Variants in VPS35L observed in about 807,000 individuals in gnomAD.
VPS35L encodes the protein VPS35 endosomal protein sorting factor like.
In VPS35L, 83 loss-of-function variants were observed where a neutral mutation model predicts 133.0. The ratio of observed to expected loss-of-function variants is 0.62; its 90% CI spans 0.52 to 0.75. VPS35L has a LOEUF of 0.75. VPS35L is among the 30% of genes least tolerant of loss of function. VPS35L has a pLI of 0.00. For synonymous variants in VPS35L, 423 were observed against 449.9 expected (o/e 0.94, Z 0.76); for missense variants, 1,083 against 1,206.8 (o/e 0.90, Z 1.52).
chr16:19,661,299 A>T (rs1478053552), intron 26 of VPS35L, among the ~76,000 whole-genome samples: 1 of 152,144 alleles, frequency 6.6e-6, no homozygotes, highest in Non-Finnish European at 1.5e-5. Context: ...CTCCTGTTGA[A>T]AAATATATGA....
chr16:19,571,446 G>A (rs1971381933), intron 3 of VPS35L, among the ~76,000 whole-genome samples: 1 of 152,032 alleles, frequency 6.6e-6, no homozygotes, highest in Non-Finnish European at 1.5e-5. Flanking sequence ...CAAACTCCTG[G>A]GCACAAGCAA....
chr16:19,603,443 A>G (rs1972448934), intron 9 of VPS35L, among the ~76,000 whole-genome samples: 1 of 152,226 alleles, frequency 6.6e-6, no homozygotes, highest in Non-Finnish European at 1.5e-5. Context: ...AATAGTGTTT[A>G]TGTTGATTAC....
intron 26 of VPS35L, chr16:19,652,805 T>A (rs1408050852): frequency 6.6e-6 from 1 of 152,250 alleles, no homozygotes; most frequent in Non-Finnish European, 1.5e-5. Flanking sequence ...TACCATCTAA[T>A]CTGTGATAGA....
intron 18 of VPS35L, among the ~76,000 whole-genome samples, chr16:19,630,844 A>G (rs1204324874): frequency 1.3e-5 from 2 of 151,918 alleles, no homozygotes; most frequent in Non-Finnish European, 2.9e-5. Flanking sequence ...GTCTCTACTA[A>G]AAATAAAAAA....
intron 28 of VPS35L, among the ~76,000 whole-genome samples, chr16:19,683,790 G>A (rs181468843): frequency 2.0e-5 from 3 of 152,328 alleles, no homozygotes; most frequent in East Asian, 3.9e-4. Flanking sequence ...TCAGTAGAAC[G>A]ATTTATTTTC....
At chr16:19,604,818 C>T (rs1373790554) in intron 9 of VPS35L, among the ~76,000 whole-genome samples, 1 of 152,124 alleles carries the variant, frequency 6.6e-6, no homozygotes, top group Non-Finnish European at 1.5e-5. Context: ...TATAGCTCTT[C>T]GGAGTTGAGA....
chr16:19,575,399 C>T (rs1971497842), intron 5 of VPS35L, among the ~76,000 whole-genome samples: 1 of 151,884 alleles, frequency 6.6e-6, no homozygotes, highest in Non-Finnish European at 1.5e-5. Context: ...AATCTCGTCT[C>T]TATTAAAAAT....
intron 7 of VPS35L, among the ~76,000 whole-genome samples, chr16:19,584,715 A>T (rs986567736): frequency 6.7e-6 from 1 of 150,098 alleles, no homozygotes; most frequent in Admixed American, 6.7e-5. Context: ...TTAAGAGATG[A>T]GGTTGCCCAG....
chr16:19,668,138 C>G (rs1301748394), intron 26 of VPS35L, among the ~76,000 whole-genome samples: 4 of 152,158 alleles, frequency 2.6e-5, no homozygotes, highest in Non-Finnish European at 4.4e-5. Context: ...GCATTTGCCC[C>G]TCTGGTGTGC....
intron 26 of VPS35L, among the ~76,000 whole-genome samples, chr16:19,654,238 C>T (rs1489082802): frequency 6.6e-6 from 1 of 152,142 alleles, no homozygotes; most frequent in Non-Finnish European, 1.5e-5. Flanking sequence ...CCTACTCTGT[C>T]ACCCCTGCAG....
intron 1 of VPS35L, among the ~76,000 whole-genome samples, chr16:19,557,779 G>A (rs1048626125): frequency 1.3e-5 from 2 of 152,102 alleles, no homozygotes; most frequent in African/African-American, 2.4e-5. Flanking sequence ...GGCTGGGCGC[G>A]GTCACTCATG....
intron 28 of VPS35L, among the ~76,000 whole-genome samples, chr16:19,687,476 C>T (rs911807602): frequency 6.6e-6 from 1 of 152,204 alleles, no homozygotes; most frequent in South Asian, 2.1e-4. Context: ...CAGCCAGAGC[C>T]GGCTTGGAAA....
At chr16:19,581,142 C>A (rs1971696407) in intron 6 of VPS35L, among the ~76,000 whole-genome samples, 1 of 152,094 alleles carries the variant, frequency 6.6e-6, no homozygotes, top group Admixed American at 6.6e-5. Context: ...GTATCTCGAT[C>A]ATCTAGTCCC....
chr16:19,671,117 T>C (rs1037551903), intron 27 of VPS35L, among the ~76,000 whole-genome samples: 3 of 152,196 alleles, frequency 2.0e-5, no homozygotes, highest in African/African-American at 7.2e-5. Flanking sequence ...TTGCCAGCTG[T>C]ATTTTAGTGT....
intron 5 of VPS35L, among the ~76,000 whole-genome samples, chr16:19,576,168 AAAAAAAAAAAAAC>A (rs1319679578): frequency 5.3e-4 from 73 of 138,954 alleles, no homozygotes; most frequent in Non-Finnish European, 9.6e-4. Flanking sequence ...TCTGTCTCAA[AAAAAAAAAAAAAC>A]AAAAAAAAAA....
At chr16:19,694,680 G>A (rs570755613) in intron 29 of VPS35L, among the ~76,000 whole-genome samples, 2 of 152,096 alleles carry the variant, frequency 1.3e-5, no homozygotes, top group Admixed American at 1.3e-4. Context: ...ACACAGCCGA[G>A]GTCTCTCTGG....
chr16:19,658,772 A>G (rs536098036), intron 26 of VPS35L, among the ~76,000 whole-genome samples: 1 of 152,240 alleles, frequency 6.6e-6, no homozygotes, highest in Non-Finnish European at 1.5e-5. Flanking sequence ...ATGGCATTCT[A>G]GGTTGAGGCC....
At chr16:19,673,826 G>A (rs1442249838) in intron 27 of VPS35L, among the ~76,000 whole-genome samples, 1 of 152,098 alleles carries the variant, frequency 6.6e-6, no homozygotes, top group Non-Finnish European at 1.5e-5. Context: ...TGAGCCAGAG[G>A]GCCCTTGCAA....
chr16:19,562,097 AAAAC>A (rs1237843068), intron 1 of VPS35L, among the ~76,000 whole-genome samples: 2 of 152,126 alleles, frequency 1.3e-5, no homozygotes, highest in African/African-American at 4.8e-5. Flanking sequence ...ATGTCAAACA[AAAAC>A]AAAACAAAAC....
Sources: allele counts gnomAD v4.1 joint callset (sites outside exome capture counted in the v4.1 genomes callset), GRCh38; gene constraint gnomAD v4.1.1; transcripts MANE v1.5; gene names NCBI Gene and HGNC (gene_info 2026-07-23, HGNC 2026-07-21).